TTN: variants seen among roughly 807,000 people sequenced by gnomAD.
The protein encoded by TTN is connectin.
A neutral mutation model predicts 3,223.0 loss-of-function variants in TTN; 1,525 were observed. The observed-to-expected ratio is 0.47, with a 90% CI of 0.45 to 0.49. The LOEUF (loss-of-function observed/expected upper bound fraction) is 0.49, where lower values mean the gene tolerates loss of function less well. Among genes scored for constraint, TTN ranks in the 20% least tolerant of loss-of-function variants. The pLI, the probability that TTN is intolerant of heterozygous loss-of-function variation, is 0.00. For missense variants in TTN, 40,786 were observed against 43,424.0 expected, an observed-to-expected ratio of 0.94 and a Z score of 5.40; for synonymous variants, 14,094 against 15,161.0, an observed-to-expected ratio of 0.93 and a Z score of 5.17.
In TTN at chr2:178,571,813, C is replaced by T; in HGVS notation, c.74319G>A (p.Leu24773=). The change falls in exon 326 of 363, where the codon CTG becomes CTA. Residue 24773 remains leucine, a synonymous_variant. Coordinates refer to ENST00000589042, the MANE Select transcript of TTN (RefSeq NM_001267550.2). ...CTTCTCGGCAGGCGTCCTTTATTGTCAGTAGTGAATTATTTTCTGTGCTCT... is the reference window on the plus strand; with the variant it reads ...CTTCTCGGCAGGCGTCCTTTATTGTTAGTAGTGAATTATTTTCTGTGCTCT... ...NAESTENNSL[L]TIKDACREDV... The T allele has an allele frequency of 6.2e-7, 1 of 1,613,478 alleles. No individual in the cohort carries two copies. The highest frequency in any genetic ancestry group is 8.5e-7 in the Non-Finnish European group (1 of 1,179,604).
At position 178,764,740 on chromosome 2, in the gene TTN, A is replaced by T. The variant is rs1258913609; in HGVS notation, c.9775T>A (p.Cys3259Ser). 1.2e-6 allele frequency: 2 copies of T among 1,613,932 alleles called. No homozygotes were observed. Among genetic ancestry groups the T allele is most frequent in the Admixed American group, 3.3e-5 (2 of 59,994 alleles). The change falls in exon 42 of 363, where the codon TGT (cysteine) becomes AGT (serine). Residue 3259 changes from cysteine to serine, a missense_variant. Cys to Ser is a moderately radical substitution (Grantham distance 112). Coordinates refer to ENST00000589042, the MANE Select transcript of TTN (RefSeq NM_001267550.2). ...TVQSGKPARFCAVISGRPQPK... is the reference protein window; with the variant it reads ...TVQSGKPARFSAVISGRPQPK... ...TGTGGTCTTCCGGATATCACGGCAC[A>T]GAAGCGGGCAGGCTTGCCAGACTGC... is the stretch of plus-strand genomic sequence containing the variant.
chr2:178,759,059 C>T lies in TTN; in HGVS notation c.10228G>A (p.Asp3410Asn). ...GCAACAAACGTGTAAGTTCCTTCAT[C>T]TTCTGGATAAGCTTCGGCAATTTCC... ...QLEIAEAYPEDEGTYTFVASN... is the reference protein window; with the variant it reads ...QLEIAEAYPENEGTYTFVASN... Residue 3410 changes from aspartate to asparagine, a missense_variant, in exon 44 of 363, where the codon GAT becomes AAT. Asp to Asn is a conservative substitution (Grantham distance 23). Coordinates refer to ENST00000589042, the MANE Select transcript of TTN (RefSeq NM_001267550.2). The T allele has an allele frequency of 6.2e-7, 1 of 1,614,042 alleles. No individual in the cohort carries two copies. Among genetic ancestry groups the T allele is most frequent in the Non-Finnish European group, 8.5e-7 (1 of 1,179,956 alleles).
Position 178,650,823 on chromosome 2 carries a change from G to A in TTN, c.39637C>T (p.Pro13213Ser), listed in dbSNP as rs766710373. 6.2e-7 allele frequency: 1 copy of A among 1,603,770 alleles called. No individual in the cohort carries two copies. The highest frequency in any genetic ancestry group is 1.1e-5 in the South Asian group (1 of 89,046). ...TTCTCTTCCAAGACAGGTTTCTTTGGCACTTCTGGCACTTTAAAGATATTA... is the reference window on the plus strand; with the variant it reads ...TTCTCTTCCAAGACAGGTTTCTTTGACACTTCTGGCACTTTAAAGATATTA... ...EVPPAKVPEV[P>S]KKPVLEEKPA... Residue 13213 changes from proline to serine, a missense_variant, in exon 209 of 363, where the codon CCA becomes TCA. By Grantham distance (74) the Pro-to-Ser change is moderately conservative (BLOSUM62 -1). Transcript: ENST00000589042.
Position 178,685,454 on chromosome 2 carries a change from T to G in TTN, c.32392+64A>C. On this transcript the variant is annotated intron_variant, in intron 128 of 362. Coordinates refer to ENST00000589042, the MANE Select transcript of TTN (RefSeq NM_001267550.2). ...TGCAATATGGATGACAAATTAGCTA[T>G]AAGGAAACATAAAGAAGGAGACAAG... 2.6e-6 allele frequency: 4 copies of G among 1,521,748 alleles called. No homozygotes were observed. In the South Asian group the frequency reaches 4.9e-5, roughly 19 times the overall value. 94.3% of individuals were successfully genotyped at this position (1,521,748 alleles called of 1,614,324 possible).
In TTN at chr2:178,590,203, T is replaced by C; in HGVS notation, c.61522A>G (p.Ile20508Val). 4 of 1,608,226 alleles carry C rather than the reference T, an allele frequency of 2.5e-6. No individual in the cohort carries two copies. Among genetic ancestry groups the C allele is most frequent in the Non-Finnish European group, 3.4e-6 (4 of 1,177,162 alleles). ...ARVKGRPEPD[I>V]TWTKEGKVLV... ...ACTTTGCCTTCCTTAGTCCAAGTTA[T>C]GTCTGGTTCAGGTCTGCCTTTGACT... Residue 20508 changes from isoleucine to valine, a missense_variant, in exon 304 of 363, where the codon ATA becomes GTA. By Grantham distance (29) the Ile-to-Val change is conservative (BLOSUM62 3). Transcript: ENST00000589042.
chr2:178,685,006 T>C lies in TTN; in HGVS notation c.32471-17A>G. On this transcript the variant is annotated splice_polypyrimidine_tract_variant and intron_variant, in intron 129 of 362. Transcript: ENST00000589042. ...CTTCAGGAACTTTAGAAAGATTAGG[T>C]TTAAGAATATGAGTTTGCCTTACAT... 2 of 1,572,786 alleles carry C rather than the reference T, an allele frequency of 1.3e-6. No homozygotes were observed. Among genetic ancestry groups the C allele is most frequent in the Non-Finnish European group, 1.7e-6 (2 of 1,151,896 alleles).
chr2:178,794,431 TCG>T lies in TTN; in HGVS notation c.1364_1365del (p.Thr455AsnfsTer23), dbSNP rs1173159828. On this transcript the variant is annotated frameshift_variant, in exon 8 of 363. Transcript: ENST00000589042. LOFTEE classifies it high-confidence loss of function. ...AVEQTAQRTTTTAVHIQPAQE... is the reference protein window; with the variant it reads ...AVEQTAQRTTXTAVHIQPAQE... Reference sequence around the variant, plus strand: ...TGAGCAGGTTGGATGTGCACAGCAGTCGTGGTTGTCCTCTGAGCAGTCTGCTC... The same window carrying T: ...TGAGCAGGTTGGATGTGCACAGCAGTTGGTTGTCCTCTGAGCAGTCTGCTC... 11 of 1,614,060 alleles carry T rather than the reference TCG, an allele frequency of 6.8e-6. No individual in the cohort carries two copies. Among genetic ancestry groups the T allele is most frequent in the Non-Finnish European group, 9.3e-6 (11 of 1,180,022 alleles).
chr2:178,719,042 C>T (rs2077936875), intron 83 of TTN, 69 bp from the exon 84 acceptor site: 1 of 1,516,894 alleles, frequency 6.6e-7, no homozygotes, highest in Admixed American at 2.4e-5. Flanking sequence ...GCTTTTGCTC[C>T]TTAAAAAAAG....
At chr2:178,600,084 T>A (rs2052905479) in intron 288 of TTN, among the ~76,000 whole-genome samples, 1 of 151,918 alleles carries the variant, frequency 6.6e-6, no homozygotes, top group African/African-American at 2.4e-5. Context: ...CTTGCCTCAC[T>A]TTATTTGGCA....
chr2:178,605,479 G>A lies in TTN; in HGVS notation c.53816C>T (p.Ala17939Val). The A allele has an allele frequency of 6.2e-7, 1 of 1,612,006 alleles. No individual in the cohort carries two copies. Among genetic ancestry groups the A allele is most frequent in the African/African-American group, 1.3e-5 (1 of 74,906 alleles). Residue 17939 changes from alanine (A) to valine (V), a missense_variant, in exon 279 of 363, where the codon GCT becomes GTT. Physicochemically the swap from Ala to Val is moderately conservative, Grantham distance 64. Transcript: ENST00000589042. Reference sequence around the variant, plus strand: ...TTCACTTTCACCAATTTCATTGACAGCTTTGACACGGAACTCATACATTTG... The same window carrying A: ...TTCACTTTCACCAATTTCATTGACAACTTTGACACGGAACTCATACATTTG... ...EHQMYEFRVK[A>V]VNEIGESEPS...
chr2:178,792,101 T>G lies in TTN; in HGVS notation c.1633A>C (p.Lys545Gln). ...QETRISEEIT[K>Q]KQKQVTQEAI... ...TCTTGAGTTACTTGTTTCTGTTTCT[T>G]AGTAATTTCTTCAGAAATTCTAGTT... Residue 545 changes from lysine to glutamine, a missense_variant, in exon 10 of 363, where the codon AAG becomes CAG. Lys to Gln is a moderately conservative substitution (Grantham distance 53). Transcript: ENST00000589042. 2 of 1,612,718 alleles carry G rather than the reference T, an allele frequency of 1.2e-6. No homozygotes were observed. The highest frequency in any genetic ancestry group is 1.7e-6 in the Non-Finnish European group (2 of 1,179,340).
In TTN at chr2:178,727,816, C is replaced by T; in HGVS notation, c.19762G>A (p.Asp6588Asn). The change falls in exon 68 of 363, where the codon GAT becomes AAT. Residue 6588 changes from aspartate to asparagine, a missense_variant. Transcript: ENST00000589042. ...VKPGRQQAIP[D>N]STVEFKAILK... ...ATTGCCTTAAATTCCACTGTAGAAT[C>T]AGGTATGGCTTGCTGTCGCCCAGGT... 1 of 1,611,316 alleles carries T rather than the reference C, an allele frequency of 6.2e-7. No individual in the cohort carries two copies. Among genetic ancestry groups the T allele is most frequent in the Non-Finnish European group, 8.5e-7 (1 of 1,178,462 alleles).
Position 178,631,099 on chromosome 2 carries a change from G to A in TTN, c.43949C>T (p.Ser14650Leu). 6.2e-7 allele frequency: 1 copy of A among 1,613,336 alleles called. No individual in the cohort carries two copies. The highest frequency in any genetic ancestry group is 1.1e-5 in the South Asian group (1 of 91,062). The change falls in exon 237 of 363, where the codon TCA (serine) becomes TTA (leucine). Residue 14650 changes from serine to leucine, a missense_variant. Coordinates refer to ENST00000589042, the MANE Select transcript of TTN (RefSeq NM_001267550.2). ...RMLILKKALKSDIGQYTCDCG... is the reference protein window; with the variant it reads ...RMLILKKALKLDIGQYTCDCG... ...GTCACAGGTGTACTGTCCAATATCT[G>A]ATTTCAAGGCTTTCTTTAGGATTAG...
At chr2:178,764,882 T>C (rs1184059361) in intron 41 of TTN, 71 bp from the exon 42 acceptor site, 12 of 1,580,324 alleles carry the variant, frequency 7.6e-6, no homozygotes, top group African/African-American at 5.4e-5. Context: ...AAACTCTACA[T>C]TAATTTGTTG....
chr2:178,527,193 C>G lies in TTN; in HGVS notation c.107795G>C (p.Cys35932Ser). 1.2e-6 allele frequency: 2 copies of G among 1,613,972 alleles called. No individual in the cohort carries two copies. Among genetic ancestry groups the G allele is most frequent in the Non-Finnish European group, 1.7e-6 (2 of 1,179,872 alleles). The change falls in exon 363 of 363, where the codon TGT (cysteine) becomes TCT (serine). Residue 35932 changes from cysteine (C) to serine (S), a missense_variant. Cys to Ser is a moderately radical substitution (Grantham distance 112, BLOSUM62 -1). Transcript: ENST00000589042. ...TTGACTGTGGATTTTTCTTCCACCA[C>G]AGGACCATGTTACTTCTGGGGTAGG... ...GEPTPEVTWS[C>S]GGRKIHSQEQ...
chr2:178,790,403 T>C (rs1216272259), intron 11 of TTN, among the ~76,000 whole-genome samples: 1 of 152,218 alleles, frequency 6.6e-6, no homozygotes, highest in East Asian at 1.9e-4. Flanking sequence ...TCTGAGACAT[T>C]TCAGTAGCAC....
chr2:178,580,214 G>A lies in TTN; in HGVS notation c.67073C>T (p.Pro22358Leu). 6.2e-7 allele frequency: 1 copy of A among 1,612,834 alleles called. No individual in the cohort carries two copies. Among genetic ancestry groups the A allele is most frequent in the Admixed American group, 1.7e-5 (1 of 59,940 alleles). Reference sequence around the variant, plus strand: ...TATTTCCTTAACAGTCACATTGACAGGTGGCCCAGGAGTATCTGGATAAAT... The same window carrying A: ...TATTTCCTTAACAGTCACATTGACAAGTGGCCCAGGAGTATCTGGATAAAT... ...VVKVLDTPGPPVNVTVKEISK... is the reference protein window; with the variant it reads ...VVKVLDTPGPLVNVTVKEISK... The change falls in exon 318 of 363, where the codon CCT becomes CTT. Residue 22358 changes from proline (P) to leucine (L), a missense_variant. Physicochemically the swap from Pro to Leu is moderately conservative, Grantham distance 98. Transcript: ENST00000589042.
Position 178,733,322 on chromosome 2 carries a change from T to G in TTN, c.15971A>C (p.Glu5324Ala). ...TGTGTATTGGCCACTGTCGTGCAGC[T>G]CAGCTGAATAAAATTTGAGCTGGGC... The part of the protein sequence containing the change: ...NVAQLKFYSA[E>A]LHDSGQYTFE... Residue 5324 changes from glutamate (E) to alanine (A), a missense_variant, in exon 54 of 363, where the codon GAG becomes GCG. Physicochemically the swap from Glu to Ala is moderately radical, Grantham distance 107. Transcript: ENST00000589042. The G allele has an allele frequency of 4.3e-6, 7 of 1,613,856 alleles. No individual in the cohort carries two copies. Among genetic ancestry groups the G allele is most frequent in the Non-Finnish European group, 5.9e-6 (7 of 1,179,790 alleles).
At chr2:178,725,204 G>A (rs1374271259) in intron 71 of TTN, 164 bp downstream of exon 71, 27 of 747,918 alleles carry the variant, frequency 3.6e-5, no homozygotes, top group Non-Finnish European at 5.1e-5. Flanking sequence ...CACAGAAACA[G>A]AAAAGAGTGT....
Sources: gnomAD v4.1 joint callset for allele counts (sites outside exome capture counted in the v4.1 genomes callset) on GRCh38, gnomAD v4.1.1 for gene constraint, MANE v1.5 for transcripts, NCBI Gene and HGNC (gene_info 2026-07-23, HGNC 2026-07-21) for gene names.